AP2B1: variants seen among roughly 807,000 people sequenced by gnomAD.
AP2B1 encodes the protein adaptor related protein complex 2 subunit beta 1.
Under a neutral mutation model 102.0 loss-of-function variants are expected in AP2B1, and 23 were observed. The ratio of observed to expected loss-of-function variants is 0.23; its 90% CI spans 0.16 to 0.32. AP2B1 has a LOEUF of 0.32. Ranked by LOEUF, AP2B1 falls within the 10% of genes least tolerant of loss-of-function variation. The probability of loss-of-function intolerance (pLI) is 1.00; values close to 1 mark genes in which losing one functional copy is unlikely to be tolerated. For missense variants in AP2B1, 541 were observed against 1,157.4 expected (o/e 0.47, Z 7.73); for synonymous variants, 381 against 421.2 (o/e 0.90, Z 1.17).
intron 18 of AP2B1, among the ~76,000 whole-genome samples, chr17:35,697,177 A>G (rs1240347307): frequency 2.6e-5 from 4 of 152,234 alleles, no homozygotes; most frequent in East Asian, 1.9e-4. Flanking sequence ...TCTGAAGACT[A>G]CAATCACAAA....
At chr17:35,619,674 C>T (rs2074119033) in intron 5 of AP2B1, among the ~76,000 whole-genome samples, 2 of 151,894 alleles carry the variant, frequency 1.3e-5, no homozygotes, top group Admixed American at 1.3e-4. Flanking sequence ...ATTGGGTTAG[C>T]TCTTTGAGGG....
intron 21 of AP2B1, among the ~76,000 whole-genome samples, chr17:35,717,572 TCCATCCCTCC>T (rs1316099313): frequency 1.3e-5 from 2 of 152,170 alleles, no homozygotes; most frequent in African/African-American, 4.8e-5. Flanking sequence ...GTGCCTCAAA[TCCATCCCTCC>T]CCCCTGGTGT....
In AP2B1 at chr17:35,627,390, A is replaced by C; in HGVS notation, c.944A>C (p.Glu315Ala). 6.2e-7 allele frequency: 1 copy of C among 1,613,144 alleles called. No homozygotes were observed. Among genetic ancestry groups the C allele is most frequent in the South Asian group, 1.1e-5 (1 of 91,044 alleles). Residue 315 changes from glutamate (E) to alanine (A), a missense_variant, in exon 8 of 22, where the codon GAA (glutamate) becomes GCA (alanine). By Grantham distance (107) the Glu-to-Ala change is moderately radical. Coordinates refer to ENST00000610402, the MANE Select transcript of AP2B1 (RefSeq NM_001030006.2). ...TCTGTTTCTGTGTACCCTAGGCCTG[A>C]AATCTTGAAGCAGGAAATCAAAGTC... ...NINLIVQKRPEILKQEIKVFF... is the reference protein window; with the variant it reads ...NINLIVQKRPAILKQEIKVFF...
chr17:35,599,054 TA>T (rs1317885349), intron 3 of AP2B1, among the ~76,000 whole-genome samples: 2 of 152,240 alleles, frequency 1.3e-5, no homozygotes, highest in African/African-American at 4.8e-5. Flanking sequence ...CACCATGTGC[TA>T]AAAAAGAGCA....
intron 5 of AP2B1, among the ~76,000 whole-genome samples, 158 bp from the exon 6 acceptor site, chr17:35,624,239 G>A (rs989696761): frequency 2.0e-5 from 3 of 152,244 alleles, no homozygotes; most frequent in African/African-American, 7.2e-5. Flanking sequence ...TTTAATATAT[G>A]TTTTGAAGTG....
At chr17:35,618,038 G>T (rs1323451368) in intron 5 of AP2B1, among the ~76,000 whole-genome samples, 1 of 152,018 alleles carries the variant, frequency 6.6e-6, no homozygotes, top group African/African-American at 2.4e-5. Context: ...TGGCTCACTA[G>T]GTAGTTTTAC....
chr17:35,619,106 C>T (rs1438792407), intron 5 of AP2B1, among the ~76,000 whole-genome samples: 1 of 152,126 alleles, frequency 6.6e-6, no homozygotes, highest in Non-Finnish European at 1.5e-5. Flanking sequence ...CAGATGCAGA[C>T]CTTGAGTTCA....
At position 35,626,807 on chromosome 17, in the gene AP2B1, C is replaced by T. The variant is rs766858381; in HGVS notation, c.903C>T (p.Val301=). ...LLSGEPEVQY[V]ALRNINLIVQ... ...CTGGGGAGCCAGAAGTGCAGTATGT[C>T]GCCCTGAGGAACATCAACTTAATTG... The change falls in exon 7 of 22, where the codon GTC becomes GTT. Residue 301 remains valine (V), a synonymous_variant. Coordinates refer to ENST00000610402, the MANE Select transcript of AP2B1 (RefSeq NM_001030006.2). 48 of 1,613,766 alleles carry T rather than the reference C, an allele frequency of 3.0e-5. No homozygotes were observed. Among genetic ancestry groups the T allele is most frequent in the Non-Finnish European group, 3.1e-5 (37 of 1,179,980 alleles).
intron 6 of AP2B1, among the ~76,000 whole-genome samples, chr17:35,625,405 A>G (rs1456732896): frequency 1.3e-5 from 2 of 152,166 alleles, no homozygotes; most frequent in African/African-American, 2.4e-5. Flanking sequence ...GCTCACTCTG[A>G]TAGTTTCTTT....
At chr17:35,684,808 C>T (rs74427538) in intron 18 of AP2B1, among the ~76,000 whole-genome samples, 9,530 of 152,072 alleles carry the variant, frequency 0.063, 412 homozygotes, top group Middle Eastern at 0.11. Flanking sequence ...TCAGCATGCA[C>T]GCAAGAATGC....
chr17:35,671,756 G>A lies in AP2B1; in HGVS notation c.2034G>A (p.Val678=), dbSNP rs373144892. The change falls in exon 16 of 22, where the codon GTG becomes GTA. Residue 678 remains valine (V), a splice_region_variant and synonymous_variant. Coordinates refer to ENST00000610402, the MANE Select transcript of AP2B1 (RefSeq NM_001030006.2). ...TCCCTTTTTTTTTTCTCCTGCAGGT[G>A]GGACAATCCTTCATCCCATCATCGG... ...LGGGIGGSPA[V]GQSFIPSSVP... The A allele has an allele frequency of 2.5e-6, 4 of 1,612,578 alleles. No individual in the cohort carries two copies. In the African/African-American group the frequency reaches 4.0e-5, roughly 16 times the overall value.
chr17:35,675,632 C>CTT (rs2075683381), intron 17 of AP2B1, among the ~76,000 whole-genome samples: 1 of 146,236 alleles, frequency 6.8e-6, no homozygotes. Flanking sequence ...TTTTTTTTTT[C>CTT]CTTTTTTTTT....
intron 17 of AP2B1, among the ~76,000 whole-genome samples, chr17:35,681,233 A>G (rs890548605): frequency 3.3e-5 from 5 of 152,306 alleles, no homozygotes; most frequent in East Asian, 1.9e-4. Context: ...AAGCCAGTCA[A>G]TGCCACTTAG....
intron 11 of AP2B1, among the ~76,000 whole-genome samples, chr17:35,640,361 C>T (rs1048584789): frequency 1.3e-5 from 2 of 151,272 alleles, no homozygotes; most frequent in East Asian, 3.9e-4. Flanking sequence ...CTCAGCCTCT[C>T]GAGTAGCTGG....
At position 35,665,461 on chromosome 17, in the gene AP2B1, A is replaced by C. The variant is rs557364728; in HGVS notation, c.1990-5396A>C. Among the ~76,000 whole-genome samples the C allele has an allele frequency of 3.9e-5, 6 of 152,266 alleles. No individual in the cohort carries two copies. In the South Asian group the frequency reaches 6.2e-4, roughly 16 times the overall value. On this transcript the variant is annotated intron_variant, in intron 14 of 21. Coordinates refer to ENST00000610402, the MANE Select transcript of AP2B1 (RefSeq NM_001030006.2). ...TTTTGAAGATCATATTAAAATTTGC[A>C]GCCTAGTAGCTAAAAACCATACTTT...
chr17:35,605,230 C>T (rs1264481268), intron 3 of AP2B1, among the ~76,000 whole-genome samples: 1 of 148,156 alleles, frequency 6.7e-6, no homozygotes, highest in Non-Finnish European at 1.5e-5. Context: ...TTTCTTTTCT[C>T]TTTTCTTTTC....
intron 16 of AP2B1, among the ~76,000 whole-genome samples, 166 bp from the exon 17 acceptor site, chr17:35,674,010 C>A (rs2075646562): frequency 6.6e-6 from 1 of 152,140 alleles, no homozygotes; most frequent in Non-Finnish European, 1.5e-5. Context: ...TATCCGGAGT[C>A]TTTTGCACTG....
chr17:35,660,020 A>G, intron 14 of AP2B1: 1 of 985,380 alleles, frequency 1.0e-6, no homozygotes, highest in Non-Finnish European at 1.2e-6. Context: ...TCTTATGCAA[A>G]TTACCTAAAG....
intron 18 of AP2B1, among the ~76,000 whole-genome samples, chr17:35,695,558 T>C (rs1414937403): frequency 6.6e-6 from 1 of 152,094 alleles, no homozygotes; most frequent in Non-Finnish European, 1.5e-5. Context: ...TTACCTGTTA[T>C]ACTCAGATAT....
Sources: allele counts gnomAD v4.1 joint callset (sites outside exome capture counted in the v4.1 genomes callset), GRCh38; gene constraint gnomAD v4.1.1; transcripts MANE v1.5; gene names NCBI Gene and HGNC (gene_info 2026-07-23, HGNC 2026-07-21).